DNAH14: variants seen among roughly 807,000 people sequenced by gnomAD.
The protein encoded by DNAH14 is axonemal beta dynein heavy chain 14.
In DNAH14, 478 loss-of-function variants were observed where a neutral mutation model predicts 520.9. The observed-to-expected ratio is 0.92, with a 90% confidence interval of 0.85 to 0.99. DNAH14 has a LOEUF of 0.99. Among genes scored for constraint, DNAH14 ranks in the 50% least tolerant of loss-of-function variants. The pLI is 0.00. For missense variants in DNAH14, 4,831 were observed against 5,234.5 expected, an observed-to-expected ratio of 0.92 and a Z score of 2.38; for synonymous variants, 1,581 against 1,757.2, an observed-to-expected ratio of 0.90 and a Z score of 2.51.
chr1:225,048,003 A>G (rs1406299127), intron 15 of DNAH14, among the ~76,000 whole-genome samples: 1 of 152,184 alleles, frequency 6.6e-6, no homozygotes, highest in Non-Finnish European at 1.5e-5. Context: ...CATATCCACC[A>G]TCACAGTTCC....
chr1:225,235,707 G>A (rs1478158626), intron 42 of DNAH14, among the ~76,000 whole-genome samples: 6 of 151,934 alleles, frequency 3.9e-5, no homozygotes, highest in Admixed American at 6.6e-5. Flanking sequence ...TTAATGCCTC[G>A]ATTTCAGAAC....
At chr1:225,250,810 A>G (rs1214113396) in intron 43 of DNAH14, 2 of 438,184 alleles carry the variant, frequency 4.6e-6, no homozygotes, top group African/African-American at 2.0e-5. Context: ...TCTGCTGAAC[A>G]GGGCTGTCCC....
chr1:225,391,287 C>A (rs971830385), intron 83 of DNAH14, among the ~76,000 whole-genome samples: 1 of 152,050 alleles, frequency 6.6e-6, no homozygotes, highest in African/African-American at 2.4e-5. Context: ...TGGAGAAGAA[C>A]AAGACTGGGT....
At chr1:225,037,681 CTGTGTT>C (rs1161594794) in intron 11 of DNAH14, among the ~76,000 whole-genome samples, 8 of 47,914 alleles carry the variant, frequency 1.7e-4, no homozygotes, top group Non-Finnish European at 1.3e-3. Flanking sequence ...TTATAATATT[CTGTGTT>C]TGTTTGTTTT....
chr1:225,216,302 A>C (rs943483660), intron 41 of DNAH14, among the ~76,000 whole-genome samples: 2 of 152,184 alleles, frequency 1.3e-5, no homozygotes, highest in African/African-American at 2.4e-5. Flanking sequence ...TGGGTAACCC[A>C]ACCTTTCTCT....
chr1:225,128,179 T>G (rs1293509733), intron 27 of DNAH14, among the ~76,000 whole-genome samples: 1 of 152,078 alleles, frequency 6.6e-6, no homozygotes, highest in Admixed American at 6.6e-5. Context: ...ATCTGACAAT[T>G]GTGTCTTGGA....
At chr1:225,007,592 T>G in intron 10 of DNAH14, 48 bp downstream of exon 10, 1 of 1,399,138 alleles carries the variant, frequency 7.1e-7, no homozygotes, top group Non-Finnish European at 9.5e-7. Context: ...ATTTACTAGC[T>G]GAAGCAATTG....
At chr1:224,957,753 C>T (rs1207696605) in intron 3 of DNAH14, among the ~76,000 whole-genome samples, 1 of 152,016 alleles carries the variant, frequency 6.6e-6, no homozygotes, top group Admixed American at 6.6e-5. Context: ...GAATATGGGA[C>T]GTGAGTGCTG....
intron 41 of DNAH14, among the ~76,000 whole-genome samples, chr1:225,210,290 A>G (rs76748236): frequency 0.021 from 3,225 of 152,244 alleles, 91 homozygotes; most frequent in African/African-American, 0.062. Flanking sequence ...GCACAGCAGT[A>G]TGAAGTTTAC....
In DNAH14 at chr1:225,398,607, G is replaced by A. The variant is rs1205970094; in HGVS notation, c.13579G>A (p.Asp4527Asn). The A allele has an allele frequency of 1.3e-6, 2 of 1,551,614 alleles. No homozygotes were observed. The highest frequency in any genetic ancestry group is 1.7e-6 in the Non-Finnish European group (2 of 1,146,988). Reference protein sequence around the residue: ...RWNREQKILEDSLPLEMCCDF... With the variant: ...RWNREQKILENSLPLEMCCDF... The stretch of plus-strand genomic sequence containing the variant: ...GAATCGTGAACAGAAAATACTGGAA[G>A]ACTCGCTGCCTCTGGAGATGTGCTG... The change falls in exon 85 of 86, where the codon GAC (aspartate) becomes AAC (asparagine). Residue 4527 changes from aspartate (D) to asparagine (N), a missense_variant. By Grantham distance (23) the Asp-to-Asn change is conservative (BLOSUM62 1). Coordinates refer to ENST00000682510, the MANE Select transcript of DNAH14 (RefSeq NM_001367479.1).
chr1:224,972,251 T>C (rs2061540097), intron 7 of DNAH14, among the ~76,000 whole-genome samples: 1 of 152,142 alleles, frequency 6.6e-6, no homozygotes, highest in South Asian at 2.1e-4. Context: ...TTATATTTAC[T>C]GAAGTTGTAC....
chr1:225,243,064 T>C (rs552098935), intron 43 of DNAH14, among the ~76,000 whole-genome samples: 2 of 152,346 alleles, frequency 1.3e-5, no homozygotes, highest in South Asian at 4.1e-4. Context: ...CCAAAAGCAT[T>C]GCGTGTTAAT....
At chr1:225,109,226 G>A (rs187780252) in intron 23 of DNAH14, among the ~76,000 whole-genome samples, 13 of 152,020 alleles carry the variant, frequency 8.6e-5, no homozygotes, top group Admixed American at 7.9e-4. Flanking sequence ...ATAAATTTTA[G>A]GATAGTTTTT....
chr1:225,373,205 A>AGGGGG (rs1448035981), intron 77 of DNAH14, among the ~76,000 whole-genome samples: 1 of 151,268 alleles, frequency 6.6e-6, no homozygotes, highest in African/African-American at 2.4e-5. Context: ...ACAGAAAGAA[A>AGGGGG]GGGGGAGAGG....
chr1:225,002,822 G>A lies in DNAH14; in HGVS notation c.870G>A (p.Leu290=), dbSNP rs2063863291. ...ACCATCTTTTTTTGGCTGATGACTT[G>A]TTTCAAACCTGTTTGGTTTATATAA... ...LYHHLFLADD[L]FQTCLVYIRG... is the part of the protein sequence containing the mutation. The change falls in exon 9 of 86, where the codon TTG becomes TTA. Residue 290 remains leucine, a synonymous_variant. Coordinates refer to ENST00000682510, the MANE Select transcript of DNAH14 (RefSeq NM_001367479.1). 3 of 1,549,060 alleles carry A rather than the reference G, an allele frequency of 1.9e-6. No homozygotes were observed. The highest frequency in any genetic ancestry group is 2.6e-6 in the Non-Finnish European group (3 of 1,145,736).
At chr1:225,016,720 T>G (rs2065243279) in intron 10 of DNAH14, among the ~76,000 whole-genome samples, 1 of 152,054 alleles carries the variant, frequency 6.6e-6, no homozygotes, top group South Asian at 2.1e-4. Context: ...GTGAGTTTTC[T>G]TCACTGTTTT....
intron 77 of DNAH14, among the ~76,000 whole-genome samples, chr1:225,373,496 G>A (rs1467175276): frequency 2.6e-5 from 4 of 151,444 alleles, no homozygotes; most frequent in Non-Finnish European, 5.9e-5. Flanking sequence ...GAGGGAGGGG[G>A]ATAGGAAGAG....
At chr1:225,034,070 T>C (rs2066748151) in intron 11 of DNAH14, among the ~76,000 whole-genome samples, 1 of 152,208 alleles carries the variant, frequency 6.6e-6, no homozygotes, top group Non-Finnish European at 1.5e-5. Flanking sequence ...TCTTGCCTGA[T>C]TGCTCTGGCC....
chr1:225,067,757 G>T (rs2071073235), intron 17 of DNAH14, among the ~76,000 whole-genome samples: 1 of 151,192 alleles, frequency 6.6e-6, no homozygotes, highest in Non-Finnish European at 1.5e-5. Flanking sequence ...TCGGCTGCAT[G>T]TAGTGACTGT....
Sources: allele counts gnomAD v4.1 joint callset (sites outside exome capture counted in the v4.1 genomes callset), GRCh38; gene constraint gnomAD v4.1.1; transcripts MANE v1.5; gene names NCBI Gene and HGNC (gene_info 2026-07-23, HGNC 2026-07-21).